The following ADGRF5 variants were observed in gnomAD, a reference collection of about 807,000 sequenced individuals.
The protein encoded by ADGRF5 is G-protein coupled receptor 116.
A neutral mutation model predicts 132.3 loss-of-function variants in ADGRF5; 75 were observed. That is an observed-to-expected ratio of 0.57 (90% confidence interval 0.47 to 0.69). ADGRF5 has a LOEUF of 0.69. Ranked by LOEUF, ADGRF5 falls within the 30% of genes least tolerant of loss-of-function variation. The pLI, the probability that ADGRF5 is intolerant of heterozygous loss-of-function variation, is 0.00. For missense variants in ADGRF5, 1,516 were observed against 1,630.6 expected, an observed-to-expected ratio of 0.93 and a Z score of 1.21; for synonymous variants, 629 against 597.6, an observed-to-expected ratio of 1.05 and a Z score of -0.77.
intron 3 of ADGRF5, among the ~76,000 whole-genome samples, chr6:46,899,484 G>A (rs1774522199): frequency 1.3e-5 from 2 of 152,092 alleles, no homozygotes; most frequent in Admixed American, 6.5e-5. Flanking sequence ...GAGGGTCGGT[G>A]TTTCAGAATT....
At chr6:46,944,458 G>T (rs1561841106) in intron 1 of ADGRF5, among the ~76,000 whole-genome samples, 1 of 152,118 alleles carries the variant, frequency 6.6e-6, no homozygotes, top group East Asian at 1.9e-4. Context: ...GTTGAAAAAT[G>T]CAGATTTTGC....
At chr6:46,909,761 A>T (rs546110986) in intron 1 of ADGRF5, among the ~76,000 whole-genome samples, 18 of 152,170 alleles carry the variant, frequency 1.2e-4, no homozygotes, top group Non-Finnish European at 1.2e-4. Context: ...GATCACTTGA[A>T]GCCAGGAGTT....
rs369957052 is a variant in ADGRF5, at chr6:46,858,795, C to G, written c.3108G>C (p.Val1036=). 1 of 1,614,050 alleles carries G rather than the reference C, an allele frequency of 6.2e-7. No individual in the cohort carries two copies. The highest frequency in any genetic ancestry group is 1.3e-5 in the African/African-American group (1 of 75,012). The change falls in exon 17 of 21, where the codon GTG becomes GTC. Residue 1036 remains valine (V), a synonymous_variant. Coordinates refer to ENST00000283296, the MANE Select transcript of ADGRF5 (RefSeq NM_001098518.2). The part of the protein sequence containing the change: ...SLAACLVVEA[V]VWKSVTKNRT... ...GGTTCTTGGTCACCGATTTCCACAC[C>G]ACAGCTTCCACAACTAGACAGGCTG... is the stretch of plus-strand genomic sequence containing the variant.
intron 11 of ADGRF5, 169 bp from the exon 12 acceptor site, chr6:46,869,261 G>T (rs1770793627): frequency 1.4e-6 from 2 of 1,445,790 alleles, no homozygotes; most frequent in Admixed American, 5.4e-5. Context: ...CTGCTCCTGG[G>T]CTTTACTCGT....
At chr6:46,918,416 A>G (rs1003821825) in intron 1 of ADGRF5, among the ~76,000 whole-genome samples, 3 of 152,190 alleles carry the variant, frequency 2.0e-5, no homozygotes, top group Non-Finnish European at 4.4e-5. Flanking sequence ...ATAATTAAAA[A>G]ACATCCATGA....
In ADGRF5 at chr6:46,859,503, A is replaced by G. The variant is rs1229255094; in HGVS notation, c.2400T>C (p.Asn800=). The G allele has an allele frequency of 2.5e-6, 4 of 1,611,026 alleles. No individual in the cohort carries two copies. The Admixed American group carries it at 5.0e-5, about 20-fold the overall frequency. Residue 800 remains asparagine (N), a synonymous_variant, in exon 17 of 21, where the codon AAT becomes AAC. Transcript: ENST00000283296. ...TCAAGACGGGCTTGCCAAGGATGACATTAACCGTAGAGAGCACGTGCTGAA... is the reference window on the plus strand; with the variant it reads ...TCAAGACGGGCTTGCCAAGGATGACGTTAACCGTAGAGAGCACGTGCTGAA... The part of the protein sequence containing the change: ...EMMTHVLSTV[N]VILGKPVLNT...
chr6:46,890,096 T>C (rs1245835532), intron 3 of ADGRF5, among the ~76,000 whole-genome samples: 1 of 152,090 alleles, frequency 6.6e-6, no homozygotes, highest in East Asian at 1.9e-4. Flanking sequence ...AAATTGAGAA[T>C]ATTTTTCTTT....
intron 4 of ADGRF5, chr6:46,887,802 C>T (rs1581857850): frequency 1.3e-5 from 2 of 152,428 alleles, no homozygotes; most frequent in African/African-American, 4.8e-5. Flanking sequence ...GTTAGCATGA[C>T]CTTGGAAAAG....
chr6:46,879,759 T>C, intron 9 of ADGRF5, 59 bp downstream of exon 9: 2 of 1,131,348 alleles, frequency 1.8e-6, no homozygotes, highest in South Asian at 2.5e-5. Context: ...TATTACATAT[T>C]TGCTTCTTTA....
At chr6:46,877,302 TC>T (rs1562174657) in intron 10 of ADGRF5, among the ~76,000 whole-genome samples, 36 of 91,082 alleles carry the variant, frequency 4.0e-4, no homozygotes, top group African/African-American at 1.3e-3. Flanking sequence ...TCTCTCTCTC[TC>T]TCTTTCCTTC....
At chr6:46,933,853 A>C (rs113809709) in intron 1 of ADGRF5, among the ~76,000 whole-genome samples, 6 of 152,312 alleles carry the variant, frequency 3.9e-5, no homozygotes, top group African/African-American at 1.4e-4. Context: ...TTGGATCTGA[A>C]GCACAGTATA....
chr6:46,939,504 G>T (rs1777974869), intron 1 of ADGRF5, among the ~76,000 whole-genome samples: 2 of 152,108 alleles, frequency 1.3e-5, no homozygotes, highest in African/African-American at 4.8e-5. Context: ...AGGAGAAAGA[G>T]TAACTTAATT....
At chr6:46,905,219 T>C (rs146130084) in intron 2 of ADGRF5, 3 of 152,376 alleles carry the variant, frequency 2.0e-5, no homozygotes, top group African/African-American at 7.2e-5. Context: ...CTATGTGAAT[T>C]CACAAGAAGC....
In ADGRF5 at chr6:46,856,905, AT is replaced by A. The variant is rs1474856528; in HGVS notation, c.3777del (p.Leu1260TyrfsTer12). On this transcript the variant is annotated frameshift_variant and splice_region_variant, in exon 18 of 21. Transcript: ENST00000283296. LOFTEE classifies it high-confidence loss of function. The stretch of plus-strand genomic sequence containing the variant: ...AGGCATCCAAAGAGTAAAATGAATA[AT>A]CCCTGAGAAAAAAAAGATTGAAAAG... ...IIFAILNVFQGLFILLFGCLW... is the reference protein window; with the variant it reads ...IIFAILNVFQXLFILLFGCLW... 6.2e-7 allele frequency: 1 copy of A among 1,604,288 alleles called. No homozygotes were observed. The highest frequency in any genetic ancestry group is 8.5e-7 in the Non-Finnish European group (1 of 1,173,076).
intron 12 of ADGRF5, among the ~76,000 whole-genome samples, 159 bp downstream of exon 12, chr6:46,868,723 AT>A (rs1419029114): frequency 2.6e-5 from 4 of 152,232 alleles, no homozygotes; most frequent in Non-Finnish European, 1.5e-5. Context: ...AAATAATGGC[AT>A]CTTCCCTCAA....
intron 1 of ADGRF5, among the ~76,000 whole-genome samples, chr6:46,913,945 A>C (rs1470259357): frequency 1.3e-5 from 2 of 152,200 alleles, no homozygotes; most frequent in African/African-American, 4.8e-5. Flanking sequence ...AGCCAACGGC[A>C]TATACCCTAA....
chr6:46,893,427 C>G (rs758888710), intron 3 of ADGRF5, among the ~76,000 whole-genome samples: 20 of 152,176 alleles, frequency 1.3e-4, no homozygotes, highest in Non-Finnish European at 2.5e-4. Flanking sequence ...AGCTTAGATG[C>G]TCAGCGATCA....
At chr6:46,936,083 G>T (rs946787858) in intron 1 of ADGRF5, among the ~76,000 whole-genome samples, 5 of 152,174 alleles carry the variant, frequency 3.3e-5, no homozygotes, top group African/African-American at 1.2e-4. Context: ...GGCTCCTACT[G>T]TTTACACCAC....
At chr6:46,926,470 G>A (rs1777245830), upstream of ADGRF5, among the ~76,000 whole-genome samples, 1 of 57,888 alleles carries the variant, frequency 1.7e-5, no homozygotes, top group South Asian at 4.5e-4. Flanking sequence ...GGGAGAGACA[G>A]CATCTCGGGT....
Sources: gnomAD v4.1 joint callset for allele counts (sites outside exome capture counted in the v4.1 genomes callset) on GRCh38, gnomAD v4.1.1 for gene constraint, MANE v1.5 for transcripts, NCBI Gene and HGNC (gene_info 2026-07-23, HGNC 2026-07-21) for gene names.